PPM1E: variants seen among roughly 807,000 people sequenced by gnomAD.
PPM1E encodes protein phosphatase 1E.
In PPM1E, 20 loss-of-function variants were observed where a neutral mutation model predicts 65.9. The ratio of observed to expected loss-of-function variants is 0.30; its 90% CI spans 0.21 to 0.44. The LOEUF (loss-of-function observed/expected upper bound fraction) is 0.44. Ranked by LOEUF, PPM1E falls within the 20% of genes least tolerant of loss-of-function variation. The pLI is 1.00. For synonymous variants in PPM1E, 352 were observed against 374.9 expected, an observed-to-expected ratio of 0.94 and a Z score of 0.70; for missense variants, 713 against 953.1, an observed-to-expected ratio of 0.75 and a Z score of 3.32.
At chr17:58,925,538 T>TGCCATTCTCCTGCGTG (rs1567876796) in intron 1 of PPM1E, among the ~76,000 whole-genome samples, 30 of 152,130 alleles carry the variant, frequency 2.0e-4, no homozygotes, top group African/African-American at 7.2e-4. Flanking sequence ...CCTCCTGGGT[T>TGCCATTCTCCTGCGTG]CATGCCATTC....
At chr17:58,838,038 A>C (rs2050680731) in intron 1 of PPM1E, among the ~76,000 whole-genome samples, 1 of 152,260 alleles carries the variant, frequency 6.6e-6, no homozygotes, top group Non-Finnish European at 1.5e-5. Flanking sequence ...TACCTGTCAC[A>C]AAAACTAACT....
intron 1 of PPM1E, among the ~76,000 whole-genome samples, chr17:58,856,990 A>G (rs996308568): frequency 6.6e-6 from 1 of 152,208 alleles, no homozygotes; most frequent in Non-Finnish European, 1.5e-5. Context: ...AAAAGTTGCA[A>G]CAATAGTCCA....
chr17:58,784,436 A>G (rs1317833928), intron 1 of PPM1E, among the ~76,000 whole-genome samples: 1 of 151,420 alleles, frequency 6.6e-6, no homozygotes, highest in East Asian at 1.9e-4. Flanking sequence ...TCATATGGTT[A>G]CTGGCCATTT....
intron 3 of PPM1E, among the ~76,000 whole-genome samples, chr17:58,968,057 C>T (rs925465078): frequency 1.3e-4 from 20 of 152,102 alleles, no homozygotes; most frequent in African/African-American, 4.8e-4. Context: ...CCGCCTTGGC[C>T]TCTCAAAGTG....
At chr17:58,878,847 C>A (rs141904799) in intron 1 of PPM1E, among the ~76,000 whole-genome samples, 1 of 150,796 alleles carries the variant, frequency 6.6e-6, no homozygotes, top group Non-Finnish European at 1.5e-5. Flanking sequence ...GCAGGAGAAT[C>A]GCTTGAACCT....
At chr17:58,966,820 A>G (rs1459477725) in intron 3 of PPM1E, 2 of 152,672 alleles carry the variant, frequency 1.3e-5, no homozygotes, top group Non-Finnish European at 2.9e-5. Flanking sequence ...ACAAAGCACA[A>G]TATTTCCTCT....
intron 1 of PPM1E, among the ~76,000 whole-genome samples, chr17:58,790,636 C>G (rs1479927197): frequency 6.6e-6 from 1 of 152,130 alleles, no homozygotes; most frequent in East Asian, 1.9e-4. Flanking sequence ...GATAATCCCT[C>G]TTAAAACCCA....
At chr17:58,883,560 T>C (rs1227222141) in intron 1 of PPM1E, among the ~76,000 whole-genome samples, 1 of 146,176 alleles carries the variant, frequency 6.8e-6, no homozygotes, top group Non-Finnish European at 1.5e-5. Flanking sequence ...CTCGGCTCAC[T>C]GCAAGCTCCG....
intron 1 of PPM1E, among the ~76,000 whole-genome samples, chr17:58,837,402 TTTTA>T (rs2143202573): frequency 6.6e-6 from 1 of 151,738 alleles, no homozygotes; most frequent in East Asian, 1.9e-4. Flanking sequence ...TTGATTTCAT[TTTTA>T]TTTAAGATTA....
intron 1 of PPM1E, among the ~76,000 whole-genome samples, chr17:58,928,896 G>T (rs765017869): frequency 2.0e-5 from 3 of 151,872 alleles, no homozygotes; most frequent in Non-Finnish European, 2.9e-5. Flanking sequence ...TAGAGACGAG[G>T]TTTCATCATG....
chr17:58,880,014 A>G (rs1273119121), intron 1 of PPM1E, among the ~76,000 whole-genome samples: 1 of 152,224 alleles, frequency 6.6e-6, no homozygotes, highest in East Asian at 1.9e-4. Flanking sequence ...GAGCCCTCGT[A>G]AGGAACTGAA....
intron 1 of PPM1E, among the ~76,000 whole-genome samples, chr17:58,830,739 G>A (rs568256611): frequency 2.0e-5 from 3 of 152,096 alleles, no homozygotes; most frequent in Non-Finnish European, 2.9e-5. Flanking sequence ...AGGCTGGAGT[G>A]CAGTGGCATG....
intron 2 of PPM1E, among the ~76,000 whole-genome samples, chr17:58,964,598 G>T (rs2030153636): frequency 6.6e-6 from 1 of 152,120 alleles, no homozygotes; most frequent in South Asian, 2.1e-4. Context: ...TCCTCTGGCT[G>T]CTCTCTGTCT....
At chr17:58,975,113 G>A (rs187893900) in intron 6 of PPM1E, among the ~76,000 whole-genome samples, 55 of 152,264 alleles carry the variant, frequency 3.6e-4, no homozygotes, top group African/African-American at 1.2e-3. Context: ...GAAAATCACC[G>A]AACCAGAGGA....
chr17:58,805,974 C>CAA lies in PPM1E; in HGVS notation c.464+49522_464+49523dup, dbSNP rs1341289870. Among the ~76,000 whole-genome samples, 375 of 73,998 alleles carry CAA rather than the reference C, an allele frequency of 5.1e-3. 4 individuals carry two copies. Among genetic ancestry groups the CAA allele is most frequent in the African/African-American group, 0.021 (347 of 16,876 alleles). The allele number at this position is 73,998 out of a possible 152,430, so 48.5% of individuals were successfully genotyped here. A position where few individuals can be genotyped will look rare whatever the true frequency, so the allele number is the denominator to read the frequency against. ...TAAAAAAAAAAACAAAAAAAAAAAA[C>CAA]AAAAAAAAAACAAAACAAAACAAAA... On this transcript the variant is annotated intron_variant, in intron 1 of 6. Coordinates refer to ENST00000308249, the MANE Select transcript of PPM1E (RefSeq NM_014906.5).
chr17:58,876,898 C>G (rs2051133318), intron 1 of PPM1E, among the ~76,000 whole-genome samples: 1 of 152,148 alleles, frequency 6.6e-6, no homozygotes, highest in Admixed American at 6.6e-5. Flanking sequence ...ATTCTCCTGC[C>G]TCAGCCTCCC....
chr17:58,946,053 T>C (rs2052146189), intron 1 of PPM1E, among the ~76,000 whole-genome samples: 1 of 152,174 alleles, frequency 6.6e-6, no homozygotes, highest in African/African-American at 2.4e-5. Flanking sequence ...AGGCCTCTTA[T>C]TATGGGTTGA....
At chr17:58,969,372 T>G in intron 3 of PPM1E, 167 bp from the exon 4 acceptor site, 1 of 736,220 alleles carries the variant, frequency 1.4e-6, no homozygotes, top group Non-Finnish European at 2.4e-6. Flanking sequence ...TTGCAGGTAT[T>G]TCAGCAGTTG....
intron 2 of PPM1E, among the ~76,000 whole-genome samples, chr17:58,959,099 G>C (rs1042122811): frequency 1.3e-5 from 2 of 151,574 alleles, no homozygotes; most frequent in Non-Finnish European, 2.9e-5. Flanking sequence ...ACCTGAGGTT[G>C]GGAGTTCGAG....
Sources: allele counts gnomAD v4.1 joint callset (sites outside exome capture counted in the v4.1 genomes callset), GRCh38; gene constraint gnomAD v4.1.1; transcripts MANE v1.5; gene names NCBI Gene and HGNC (gene_info 2026-07-23, HGNC 2026-07-21).